STK25: variants seen among roughly 807,000 people sequenced by gnomAD.
The protein encoded by STK25 is serine/threonine-protein kinase 25.
Under a neutral mutation model 53.8 loss-of-function variants are expected in STK25, and 29 were observed. The ratio of observed to expected loss-of-function variants is 0.54; its 90% CI spans 0.40 to 0.74. STK25 has a LOEUF of 0.74. Ranked by LOEUF, STK25 falls within the 30% of genes least tolerant of loss-of-function variation. The pLI is 0.00. For synonymous variants in STK25, 247 were observed against 238.3 expected (o/e 1.04, Z -0.33); for missense variants, 420 against 568.0 (o/e 0.74, Z 2.65).
In STK25 at chr2:241,493,997, C is replaced by T. The variant is rs1574927196; in HGVS notation, c.*1665G>A. The T allele has an allele frequency of 7.3e-7, 1 of 1,372,720 alleles. No homozygotes were observed. Among genetic ancestry groups the T allele is most frequent in the Non-Finnish European group, 9.5e-7 (1 of 1,054,802 alleles). The allele number at this position is 1,372,720 out of a possible 1,614,324, so 85.0% of individuals were successfully genotyped here. A position where few individuals can be genotyped will look rare whatever the true frequency, so the allele number is the denominator to read the frequency against. ...ATGGCTCACTGGTCTGATGGCCGCC[C>T]TCTCCTCCAGGTGGATGGAGGTGAT... On this transcript the variant is annotated 3_prime_UTR_variant, in exon 12 of 12. Transcript: ENST00000316586.
rs528951093 is a variant in STK25, at chr2:241,508,533, G to A, written c.-191C>T. 5 of 1,001,858 alleles carry A rather than the reference G, an allele frequency of 5.0e-6. No homozygotes were observed. Among genetic ancestry groups the A allele is most frequent in the South Asian group, 7.7e-5 (2 of 26,034 alleles). 62.1% of individuals were successfully genotyped at this position (1,001,858 alleles called of 1,614,324 possible). A position where few individuals can be genotyped will look rare whatever the true frequency, so the allele number is the denominator to read the frequency against. ...CAGCCTCTGTTCGCCCGGGGACCCC[G>A]GGCCTCCCAGCCCGCGAAGCAACGG... On this transcript the variant is annotated 5_prime_UTR_variant, in exon 1 of 12. Coordinates refer to ENST00000316586, the MANE Select transcript of STK25 (RefSeq NM_001271977.2).
In STK25 at chr2:241,496,920, C is replaced by A. The variant is rs1004857845; in HGVS notation, c.1105-386G>T. ...ACGGCACCGCCAGGCCCAGATCTGACCTCCATCAGGACACCAGCATCTGAG... is the reference window on the plus strand; with the variant it reads ...ACGGCACCGCCAGGCCCAGATCTGAACTCCATCAGGACACCAGCATCTGAG... On this transcript the variant is annotated intron_variant, in intron 10 of 11. Coordinates refer to ENST00000316586, the MANE Select transcript of STK25 (RefSeq NM_001271977.2). The surrounding 1 kb of genome is among the most constrained non-coding windows in gnomAD (Gnocchi z 5.8). 2.6e-4 allele frequency among the ~76,000 whole-genome samples: 39 copies of A among 152,242 alleles called. No individual in the cohort carries two copies. The highest frequency in any genetic ancestry group is 9.4e-4 in the African/African-American group (39 of 41,476).
chr2:241,493,655 T>C lies in STK25; in HGVS notation c.*2007A>G. 1.7e-6 allele frequency: 1 copy of C among 581,620 alleles called. No individual in the cohort carries two copies. Among genetic ancestry groups the C allele is most frequent in the Non-Finnish European group, 3.1e-6 (1 of 327,360 alleles). The allele number at this position is 581,620 out of a possible 1,614,324, so 36.0% of individuals were successfully genotyped here. A position where few individuals can be genotyped will look rare whatever the true frequency, so the allele number is the denominator to read the frequency against. On this transcript the variant is annotated 3_prime_UTR_variant, in exon 12 of 12. Coordinates refer to ENST00000316586, the MANE Select transcript of STK25 (RefSeq NM_001271977.2). Reference sequence around the variant, plus strand: ...TGTCACTCAGGCTGGAGTGCAGTGATACAATCTTGGCTCACTATAACCTGC... The same window carrying C: ...TGTCACTCAGGCTGGAGTGCAGTGACACAATCTTGGCTCACTATAACCTGC...
rs2065198570 is a variant in STK25, at chr2:241,496,833, G to A, written c.1105-299C>T. ...TGGCTTCCTCCCAGCCGAGGGTCATGGAAGCCACTCAATGGGTCTAATCAG... is the reference window on the plus strand; with the variant it reads ...TGGCTTCCTCCCAGCCGAGGGTCATAGAAGCCACTCAATGGGTCTAATCAG... On this transcript the variant is annotated intron_variant, in intron 10 of 11. Coordinates refer to ENST00000316586, the MANE Select transcript of STK25 (RefSeq NM_001271977.2). The surrounding 1 kb of genome is among the most constrained non-coding windows in gnomAD (Gnocchi z 5.8). 6.6e-6 allele frequency among the ~76,000 whole-genome samples: 1 copy of A among 152,160 alleles called. No homozygotes were observed. The highest frequency in any genetic ancestry group is 2.4e-5 in the African/African-American group (1 of 41,442).
At chr2:241,506,382 G>A (rs2065830608) in intron 2 of STK25, among the ~76,000 whole-genome samples, 3 of 152,206 alleles carry the variant, frequency 2.0e-5, no homozygotes, top group Non-Finnish European at 2.9e-5. Flanking sequence ...GTGTGCGATC[G>A]CACCAAGAAC....
In STK25 at chr2:241,495,657, G is replaced by A; in HGVS notation, c.*5C>T. ...TTCCGTCCCCTATCTGAACAGCAGT[G>A]CGCTTCAGCGGGTGGATGTCAGGTG... On this transcript the variant is annotated 3_prime_UTR_variant, in exon 12 of 12. Coordinates refer to ENST00000316586, the MANE Select transcript of STK25 (RefSeq NM_001271977.2). 6.2e-7 allele frequency: 1 copy of A among 1,614,216 alleles called. No individual in the cohort carries two copies. Among genetic ancestry groups the A allele is most frequent in the Non-Finnish European group, 8.5e-7 (1 of 1,180,008 alleles).
upstream of STK25, chr2:241,508,728 G>C (rs1163690982): frequency 1.0e-6 from 1 of 985,320 alleles, no homozygotes; most frequent in Non-Finnish European, 1.2e-6. Context: ...AGGGGGCCGG[G>C]GCTCGCATGC....
Position 241,495,642 on chromosome 2 carries a change from T to G in STK25, c.*20A>C. Reference sequence around the variant, plus strand: ...CAAAAACAAACGACCTTCCGTCCCCTATCTGAACAGCAGTGCGCTTCAGCG... The same window carrying G: ...CAAAAACAAACGACCTTCCGTCCCCGATCTGAACAGCAGTGCGCTTCAGCG... On this transcript the variant is annotated 3_prime_UTR_variant, in exon 12 of 12. Coordinates refer to ENST00000316586, the MANE Select transcript of STK25 (RefSeq NM_001271977.2). 6.2e-7 allele frequency: 1 copy of G among 1,614,062 alleles called. No homozygotes were observed. The highest frequency in any genetic ancestry group is 8.5e-7 in the Non-Finnish European group (1 of 1,179,884).
chr2:241,500,160 C>A lies in STK25; in HGVS notation c.427+13G>T. The A allele has an allele frequency of 1.2e-6, 2 of 1,609,272 alleles. No homozygotes were observed. The highest frequency in any genetic ancestry group is 1.7e-6 in the Non-Finnish European group (2 of 1,175,720). ...CAGGACGTTACAAGAGCCACATCCA[C>A]CCCCAGCAGGACCTTTGATGTCTCG... On this transcript the variant is annotated intron_variant, in intron 5 of 11. Coordinates refer to ENST00000316586, the MANE Select transcript of STK25 (RefSeq NM_001271977.2).
In STK25 at chr2:241,499,897, G is replaced by A. The variant is rs1293983619; in HGVS notation, c.427+276C>T. On this transcript the variant is annotated intron_variant, in intron 5 of 11. Coordinates refer to ENST00000316586, the MANE Select transcript of STK25 (RefSeq NM_001271977.2). ...GCTACTCAATTCTACACCTGCTGCT[G>A]TGCCGTGCACCACAGGGAACCAACA... is the stretch of plus-strand genomic sequence containing the variant. 1.3e-5 allele frequency: 7 copies of A among 549,042 alleles called. No homozygotes were observed. The Admixed American group carries it at 1.8e-4, about 14-fold the overall frequency. 34.0% of individuals were successfully genotyped at this position (549,042 alleles called of 1,614,324 possible).
At chr2:241,506,203 G>C (rs2065817413) in intron 2 of STK25, among the ~76,000 whole-genome samples, 1 of 152,226 alleles carries the variant, frequency 6.6e-6, no homozygotes, top group South Asian at 2.1e-4. Context: ...AGGTCCACAG[G>C]ACACCATGGC....
chr2:241,508,828 C>A, upstream of STK25: 2 of 874,942 alleles, frequency 2.3e-6, no homozygotes, highest in Non-Finnish European at 2.7e-6. Flanking sequence ...GCGGGCGGGG[C>A]ACGTGGTCGT....
chr2:241,499,027 C>T lies in STK25; in HGVS notation c.733G>A (p.Glu245Lys). 1 of 1,614,058 alleles carries T rather than the reference C, an allele frequency of 6.2e-7. No homozygotes were observed. Among genetic ancestry groups the T allele is most frequent in the Non-Finnish European group, 8.5e-7 (1 of 1,180,016 alleles). The change falls in exon 7 of 12, where the codon GAG (glutamate) becomes AAG (lysine). Residue 245 changes from glutamate (E) to lysine (K), a missense_variant. Transcript: ENST00000316586. Reference protein sequence around the residue: ...LEGQHSKPFKEFVEACLNKDP... With the variant: ...LEGQHSKPFKKFVEACLNKDP... ...TTGTTGAGGCAGGCCTCCACGAACTCCTTGAAGGGCTTGCTGTGCTGGCCC... is the reference window on the plus strand; with the variant it reads ...TTGTTGAGGCAGGCCTCCACGAACTTCTTGAAGGGCTTGCTGTGCTGGCCC...
At position 241,496,386 on chromosome 2, in the gene STK25, G is replaced by A. The variant is rs751881736; in HGVS notation, c.1241+12C>T. The A allele has an allele frequency of 1.6e-5, 25 of 1,609,524 alleles. No individual in the cohort carries two copies. The highest frequency in any genetic ancestry group is 2.2e-5 in the East Asian group (1 of 44,752). ...GGTGCTCTCCCCGACCCTATGGCACGGCCGCCCTCACCTCTGCACTCGCTC... is the reference window on the plus strand; with the variant it reads ...GGTGCTCTCCCCGACCCTATGGCACAGCCGCCCTCACCTCTGCACTCGCTC... On this transcript the variant is annotated intron_variant, in intron 11 of 11. Coordinates refer to ENST00000316586, the MANE Select transcript of STK25 (RefSeq NM_001271977.2). This position sits in a 1 kb window ranked among gnomAD's most constrained non-coding sequence, Gnocchi z 5.8.
At position 241,494,163 on chromosome 2, in the gene STK25, A is replaced by C. The variant is rs766464712; in HGVS notation, c.*1499T>G. The stretch of plus-strand genomic sequence containing the variant: ...CCAGGTTTGGACACAACTACAAAGA[A>C]CAGCAGGACACAGAGGTGACCTCTG... On this transcript the variant is annotated 3_prime_UTR_variant, in exon 12 of 12. Coordinates refer to ENST00000316586, the MANE Select transcript of STK25 (RefSeq NM_001271977.2). The surrounding 1 kb of genome is among the most constrained non-coding windows in gnomAD (Gnocchi z 4.9). The C allele has an allele frequency of 2.3e-6, 3 of 1,279,486 alleles. No homozygotes were observed. In the South Asian group the frequency reaches 5.0e-5, roughly 21 times the overall value. 79.3% of individuals were successfully genotyped at this position (1,279,486 alleles called of 1,614,324 possible). A position where few individuals can be genotyped will look rare whatever the true frequency, so the allele number is the denominator to read the frequency against.
At chr2:241,499,871 G>A in intron 5 of STK25, 1 of 503,512 alleles carries the variant, frequency 2.0e-6, no homozygotes, top group East Asian at 4.0e-5. Flanking sequence ...CACACGCTGG[G>A]GCTACTCAAT....
chr2:241,500,651 A>T lies in STK25; in HGVS notation c.318+89T>A, dbSNP rs192073215. 4.4e-6 allele frequency: 6 copies of T among 1,362,874 alleles called. No homozygotes were observed. In the African/African-American group the frequency reaches 5.9e-5, roughly 13 times the overall value. 84.4% of individuals were successfully genotyped at this position (1,362,874 alleles called of 1,614,324 possible). A position where few individuals can be genotyped will look rare whatever the true frequency, so the allele number is the denominator to read the frequency against. Reference sequence around the variant, plus strand: ...TAACACCTAACGTGCCATGACACCAAACGAGAGGTGGCCCCTGGAGCCCAT... The same window carrying T: ...TAACACCTAACGTGCCATGACACCATACGAGAGGTGGCCCCTGGAGCCCAT... On this transcript the variant is annotated intron_variant, in intron 4 of 11. Transcript: ENST00000316586.
In STK25 at chr2:241,500,180, G is replaced by A. The variant is rs33932436; in HGVS notation, c.420C>T (p.Asp140=). 14,817 of 1,613,676 alleles carry A rather than the reference G, an allele frequency of 9.2e-3. 422 individuals carry two copies. The highest frequency in any genetic ancestry group is 0.07 in the South Asian group (6,383 of 91,030). The change falls in exon 5 of 12, where the codon GAC becomes GAT. Residue 140 remains aspartate, a synonymous_variant. Coordinates refer to ENST00000316586, the MANE Select transcript of STK25 (RefSeq NM_001271977.2). ...ATCCACCCCCAGCAGGACCTTTGAT[G>A]TCTCGGTGGATCTTGCGTTCGGAGT... ...YLHSERKIHR[D]IKAANVLLSE... is the part of the protein sequence containing the mutation.
chr2:241,495,279 A>G lies in STK25; in HGVS notation c.*383T>C. Reference sequence around the variant, plus strand: ...CTGCCCTGTTGCCTCTCCCCACCTCATGGGAGGAGGAGGCAGAGCTGCCCT... The same window carrying G: ...CTGCCCTGTTGCCTCTCCCCACCTCGTGGGAGGAGGAGGCAGAGCTGCCCT... On this transcript the variant is annotated 3_prime_UTR_variant, in exon 12 of 12. Transcript: ENST00000316586. 1 of 205,978 alleles carries G rather than the reference A, an allele frequency of 4.9e-6. No homozygotes were observed. Among genetic ancestry groups the G allele is most frequent in the Non-Finnish European group, 9.9e-6 (1 of 100,948 alleles). The allele number at this position is 205,978 out of a possible 1,614,324, so 12.8% of individuals were successfully genotyped here.
Sources: allele counts gnomAD v4.1 joint callset (sites outside exome capture counted in the v4.1 genomes callset), GRCh38; gene constraint gnomAD v4.1.1; non-coding constraint Gnocchi (gnomAD v3.1); transcripts MANE v1.5; gene names NCBI Gene and HGNC (gene_info 2026-07-23, HGNC 2026-07-21).